Variants in STAT4 observed in about 807,000 individuals in gnomAD.
STAT4 encodes the protein signal transducer and activator of transcription 4.
In STAT4, 42 loss-of-function variants were observed where a neutral mutation model predicts 110.5. The observed-to-expected ratio is 0.38, with a 90% CI of 0.30 to 0.49. STAT4 has a LOEUF of 0.49. STAT4 is among the 20% of genes least tolerant of loss of function. The probability of loss-of-function intolerance (pLI) is 0.95; values close to 1 mark genes in which losing one functional copy is unlikely to be tolerated. For synonymous variants in STAT4, 284 were observed against 302.2 expected (o/e 0.94, Z 0.63); for missense variants, 632 against 887.9 (o/e 0.71, Z 3.66).
Position 191,090,013 on chromosome 2 carries a change from A to C in STAT4, c.274-13688T>G, listed in dbSNP as rs563631754. The stretch of plus-strand genomic sequence containing the variant: ...CATGATATTACACATTTGATAAAAC[A>C]CATAGAACATATAGTGAGCCCTAAT... On this transcript the variant is annotated intron_variant, in intron 3 of 23. Transcript: ENST00000392320. This position sits in a 1 kb window ranked among gnomAD's most constrained non-coding sequence, Gnocchi z 4.2. Among the ~76,000 whole-genome samples, 2 of 152,284 alleles carry C rather than the reference A, an allele frequency of 1.3e-5. No individual in the cohort carries two copies. The highest frequency in any genetic ancestry group is 3.9e-4 in the East Asian group (2 of 5,186).
chr2:191,149,620 T>A (rs1174461341), intron 1 of STAT4, among the ~76,000 whole-genome samples: 5 of 152,176 alleles, frequency 3.3e-5, no homozygotes, highest in Non-Finnish European at 7.4e-5. Flanking sequence ...CTGCCTAATG[T>A]GTGAGGCTTC....
chr2:191,119,066 G>A (rs918972125), intron 3 of STAT4, among the ~76,000 whole-genome samples: 2 of 152,066 alleles, frequency 1.3e-5, no homozygotes, highest in Non-Finnish European at 2.9e-5. Flanking sequence ...ATGCCCAGCC[G>A]AACACAACTG....
rs112951074 is a variant in STAT4 at position 191,116,841 on chromosome 2, G to A, written c.273+29772C>T. 2.0e-5 allele frequency among the ~76,000 whole-genome samples: 3 copies of A among 152,288 alleles called. No individual in the cohort carries two copies. The highest frequency in any genetic ancestry group is 7.2e-5 in the African/African-American group (3 of 41,576). On this transcript the variant is annotated intron_variant, in intron 3 of 23. Transcript: ENST00000392320. The surrounding 1 kb of genome is among the most constrained non-coding windows in gnomAD (Gnocchi z 4.1). ...TGACTGAAAGTAAATTTACTCAAAT[G>A]TCTCAGAAATGACAAGATGCTTGAG...
At position 191,072,993 on chromosome 2, in the gene STAT4, C is replaced by T. The variant is rs1297521935; in HGVS notation, c.465+105G>A. The T allele has an allele frequency of 1.9e-5, 14 of 756,342 alleles. 1 individual carries two copies. In the Admixed American group the frequency reaches 2.0e-4, roughly 11 times the overall value. 46.9% of individuals were successfully genotyped at this position (756,342 alleles called of 1,614,324 possible). A position where few individuals can be genotyped will look rare whatever the true frequency, so the allele number is the denominator to read the frequency against. The stretch of plus-strand genomic sequence containing the variant: ...AGATATTTATCTTATTAACAAATTG[C>T]CCTATGATTTCTGTATACATTAACT... On this transcript the variant is annotated intron_variant, in intron 5 of 23. Transcript: ENST00000392320.
chr2:191,109,301 G>T (rs1307657602), intron 3 of STAT4, among the ~76,000 whole-genome samples: 2 of 149,824 alleles, frequency 1.3e-5, no homozygotes, highest in African/African-American at 5.0e-5. Context: ...GTTTTGTTTT[G>T]TTTTTTGTTT....
chr2:191,079,851 G>A (rs1228680226), intron 3 of STAT4, among the ~76,000 whole-genome samples: 1 of 151,958 alleles, frequency 6.6e-6, no homozygotes, highest in Admixed American at 6.6e-5. Flanking sequence ...TTATGACCCA[G>A]CATATTAATA....
intron 3 of STAT4, among the ~76,000 whole-genome samples, chr2:191,121,766 T>C (rs1313923664): frequency 1.9e-5 from 2 of 106,252 alleles, no homozygotes; most frequent in Non-Finnish European, 3.6e-5. Flanking sequence ...CACCAGGGCC[T>C]GTTGTGGGGT....
rs182351497 is a variant in STAT4 at position 191,030,898 on chromosome 2, C to G, written c.2220+74G>C. The stretch of plus-strand genomic sequence containing the variant: ...CTCCCTACCCAGGCAGTATTTCAGC[C>G]CCTTTGATTCACACACCACCTTTGC... On this transcript the variant is annotated intron_variant, in intron 23 of 23. Coordinates refer to ENST00000392320, the MANE Select transcript of STAT4 (RefSeq NM_003151.4). This position sits in a 1 kb window ranked among gnomAD's most constrained non-coding sequence, Gnocchi z 4.4. 3.6e-4 allele frequency: 490 copies of G among 1,362,882 alleles called. 3 individuals are homozygous for G. The highest frequency in any genetic ancestry group is 7.0e-5 in the Non-Finnish European group (67 of 956,048). The allele number at this position is 1,362,882 out of a possible 1,614,324, so 84.4% of individuals were successfully genotyped here.
intron 1 of STAT4, among the ~76,000 whole-genome samples, chr2:191,150,000 T>C (rs1169222340): frequency 6.6e-6 from 1 of 152,222 alleles, no homozygotes; most frequent in Non-Finnish European, 1.5e-5. Flanking sequence ...ATTTTGAATG[T>C]TCACAACACA....
At chr2:191,088,596 T>C (rs1697704057) in intron 3 of STAT4, among the ~76,000 whole-genome samples, 1 of 152,140 alleles carries the variant, frequency 6.6e-6, no homozygotes, top group Non-Finnish European at 1.5e-5. Context: ...AAAGTTTATA[T>C]GGAGAGGCTA....
intron 3 of STAT4, among the ~76,000 whole-genome samples, chr2:191,111,460 G>C (rs1474013002): frequency 1.3e-5 from 2 of 152,060 alleles, no homozygotes; most frequent in Non-Finnish European, 2.9e-5. Context: ...CCTTACAATG[G>C]AACACTACTC....
In STAT4 at chr2:191,146,335, G is replaced by A. The variant is rs556262294; in HGVS notation, c.273+278C>T. ...GTGAAACTGTGGTCTGGTCAGTGTT[G>A]TTGAACTGAATCATAGCTAGTAAAC... is the stretch of plus-strand genomic sequence containing the variant. On this transcript the variant is annotated intron_variant, in intron 3 of 23. Transcript: ENST00000392320. The surrounding 1 kb of genome is among the most constrained non-coding windows in gnomAD (Gnocchi z 4.5). 1.3e-5 allele frequency among the ~76,000 whole-genome samples: 2 copies of A among 152,120 alleles called. No homozygotes were observed. Among genetic ancestry groups the A allele is most frequent in the Non-Finnish European group, 2.9e-5 (2 of 68,018 alleles).
rs186348497 is a variant in STAT4, at chr2:191,058,951, C to T, written c.1035-182G>A. 6.6e-6 allele frequency among the ~76,000 whole-genome samples: 1 copy of T among 151,922 alleles called. No individual in the cohort carries two copies. The highest frequency in any genetic ancestry group is 6.6e-5 in the Admixed American group (1 of 15,262). Reference sequence around the variant, plus strand: ...AATGCCTCTTTAGTTTGCCATGTAACTAATGTTGACATCAGTCACTTAATA... The same window carrying T: ...AATGCCTCTTTAGTTTGCCATGTAATTAATGTTGACATCAGTCACTTAATA... On this transcript the variant is annotated intron_variant, in intron 10 of 23. Transcript: ENST00000392320. The surrounding 1 kb of genome is among the most constrained non-coding windows in gnomAD (Gnocchi z 4.3).
chr2:191,074,916 T>C (rs1697268799), intron 4 of STAT4, among the ~76,000 whole-genome samples: 1 of 152,094 alleles, frequency 6.6e-6, no homozygotes, highest in Non-Finnish European at 1.5e-5. Flanking sequence ...ATCCCAGCAC[T>C]TTGGGAGGTC....
chr2:191,073,835 A>C (rs1194782735), intron 4 of STAT4, among the ~76,000 whole-genome samples: 1 of 152,248 alleles, frequency 6.6e-6, no homozygotes, highest in Non-Finnish European at 1.5e-5. Flanking sequence ...ACTCAAGTAC[A>C]TGTGACTGGG....
rs890236989 is a variant in STAT4, at chr2:191,029,969, T to C, written c.2221-103A>G. The C allele has an allele frequency of 1.8e-5, 16 of 886,482 alleles. 1 individual carries two copies. The highest frequency in any genetic ancestry group is 2.5e-5 in the Non-Finnish European group (14 of 567,516). 54.9% of individuals were successfully genotyped at this position (886,482 alleles called of 1,614,324 possible). A position where few individuals can be genotyped will look rare whatever the true frequency, so the allele number is the denominator to read the frequency against. On this transcript the variant is annotated intron_variant, in intron 23 of 23. Coordinates refer to ENST00000392320, the MANE Select transcript of STAT4 (RefSeq NM_003151.4). The surrounding 1 kb of genome is among the most constrained non-coding windows in gnomAD (Gnocchi z 4.5). ...GTCCTCTTTTCTACGAATTACTCCA[T>C]AATTTTTCTATTACCTAGTTAAAAT... is the stretch of plus-strand genomic sequence containing the variant.
rs1339402145 is a variant in STAT4, at chr2:191,146,095, A to G, written c.273+518T>C. Among the ~76,000 whole-genome samples, 2 of 152,216 alleles carry G rather than the reference A, an allele frequency of 1.3e-5. No individual in the cohort carries two copies. Among genetic ancestry groups the G allele is most frequent in the Non-Finnish European group, 1.5e-5 (1 of 68,038 alleles). On this transcript the variant is annotated intron_variant, in intron 3 of 23. Transcript: ENST00000392320. The surrounding 1 kb of genome is among the most constrained non-coding windows in gnomAD (Gnocchi z 4.5). ...TAATGTCGAATATACTAAATGCCAC[A>G]GTATCGATGTGTTCTGGTGCTGAGG...
In STAT4 at chr2:191,064,827, C is replaced by G. The variant is rs746170953; in HGVS notation, c.762G>C (p.Gly254=). 1 of 1,612,192 alleles carries G rather than the reference C, an allele frequency of 6.2e-7. No homozygotes were observed. The highest frequency in any genetic ancestry group is 1.1e-5 in the South Asian group (1 of 90,812). ...IACIGGPLHN[G]LDQLQNCFTL... is the part of the protein sequence containing the mutation. ...TTTACCAGTTCTGAAGCTGGTCGAG[C>G]CCATTGTGGAGTGGACCCCCGATGC... is the stretch of plus-strand genomic sequence containing the variant. The change falls in exon 8 of 24, where the codon GGG becomes GGC. Residue 254 remains glycine (G), a synonymous_variant. Coordinates refer to ENST00000392320, the MANE Select transcript of STAT4 (RefSeq NM_003151.4).
In STAT4 at chr2:191,064,789, G is replaced by A. The variant is rs1696941319; in HGVS notation, c.782+18C>T. 6.2e-7 allele frequency: 1 copy of A among 1,603,858 alleles called. No homozygotes were observed. The highest frequency in any genetic ancestry group is 8.5e-7 in the Non-Finnish European group (1 of 1,175,860). ...TTTCCTGTGGTTTTCACTAGAAACT[G>A]CAGTCGATTCGTTTTACCAGTTCTG... On this transcript the variant is annotated intron_variant, in intron 8 of 23. Coordinates refer to ENST00000392320, the MANE Select transcript of STAT4 (RefSeq NM_003151.4).
Sources: allele counts gnomAD v4.1 joint callset (sites outside exome capture counted in the v4.1 genomes callset), GRCh38; gene constraint gnomAD v4.1.1; non-coding constraint Gnocchi (gnomAD v3.1); transcripts MANE v1.5; gene names NCBI Gene and HGNC (gene_info 2026-07-23, HGNC 2026-07-21).